Variants in ZHX2 observed in about 807,000 individuals in gnomAD.
ZHX2 encodes the protein zinc fingers and homeoboxes 2.
Under a neutral mutation model 21.9 loss-of-function variants are expected in ZHX2, and 6 were observed. The ratio of observed to expected loss-of-function variants is 0.27; its 90% CI spans 0.15 to 0.54. ZHX2 has a LOEUF of 0.54. ZHX2 is among the 20% of genes least tolerant of loss of function. ZHX2 has a pLI of 0.95. For missense variants in ZHX2, 908 were observed against 1,090.7 expected (o/e 0.83, Z 2.36); for synonymous variants, 434 against 437.1 (o/e 0.99, Z 0.09).
chr8:122,784,253 G>A (rs1306649967), intron 1 of ZHX2, among the ~76,000 whole-genome samples: 1 of 152,182 alleles, frequency 6.6e-6, no homozygotes, highest in Non-Finnish European at 1.5e-5. Context: ...TTTGATAACA[G>A]TTTCTAACAC....
At position 122,781,963 on chromosome 8, in the gene ZHX2, C is replaced by T. The variant is rs1817295834; in HGVS notation, c.-283+17C>T. On this transcript the variant is annotated intron_variant, in intron 1 of 3. Transcript: ENST00000314393. The surrounding 1 kb of genome is among the most constrained non-coding windows in gnomAD (Gnocchi z 4.6). Reference sequence around the variant, plus strand: ...CCAGCGCAGGTAAGAAACTTCGCCTCGGCGCGGAGCCCCCCAGCCGGCGCC... The same window carrying T: ...CCAGCGCAGGTAAGAAACTTCGCCTTGGCGCGGAGCCCCCCAGCCGGCGCC... 6.6e-6 allele frequency: 1 copy of T among 152,234 alleles called. No homozygotes were observed. The highest frequency in any genetic ancestry group is 2.4e-5 in the African/African-American group (1 of 41,446). 9.4% of individuals were successfully genotyped at this position (152,234 alleles called of 1,614,324 possible). A position where few individuals can be genotyped will look rare whatever the true frequency, so the allele number is the denominator to read the frequency against.
chr8:122,833,910 T>A (rs1333290743), intron 1 of ZHX2, among the ~76,000 whole-genome samples: 1 of 150,796 alleles, frequency 6.6e-6, no homozygotes, highest in Non-Finnish European at 1.5e-5. Context: ...GGCAGGAGAA[T>A]GGCGTGAACC....
rs1277932932 is a variant in ZHX2, at chr8:122,897,371, T to C, written c.-220+33832T>C. Among the ~76,000 whole-genome samples, 3 of 152,230 alleles carry C rather than the reference T, an allele frequency of 2.0e-5. 1 individual carries two copies. The highest frequency in any genetic ancestry group is 3.9e-4 in the East Asian group (2 of 5,194). The stretch of plus-strand genomic sequence containing the variant: ...CATGAGTTAGTGCTTTTGAGCACCA[T>C]AGTTTCATTCTTAAGTTTCATTCAA... On this transcript the variant is annotated intron_variant, in intron 2 of 3. Transcript: ENST00000314393.
chr8:122,902,018 C>T (rs28603296), intron 2 of ZHX2, among the ~76,000 whole-genome samples: 3,782 of 148,240 alleles, frequency 0.026, 106 homozygotes, highest in African/African-American at 0.073. Flanking sequence ...TCCTATGCTA[C>T]GTGAAAAAAA....
At chr8:122,968,956 C>G (rs1191548879) in intron 3 of ZHX2, among the ~76,000 whole-genome samples, 1 of 151,938 alleles carries the variant, frequency 6.6e-6, no homozygotes, top group Non-Finnish European at 1.5e-5. Context: ...GCCAAGAGTT[C>G]GAGACCAGCC....
intron 2 of ZHX2, among the ~76,000 whole-genome samples, chr8:122,869,583 T>C (rs956109887): frequency 3.3e-5 from 5 of 152,236 alleles, no homozygotes; most frequent in African/African-American, 1.2e-4. Context: ...CTCAGGGAGC[T>C]GTCGCCGGGA....
chr8:122,836,103 G>A (rs1818488411), intron 1 of ZHX2, among the ~76,000 whole-genome samples: 1 of 152,130 alleles, frequency 6.6e-6, no homozygotes, highest in Non-Finnish European at 1.5e-5. Flanking sequence ...ACAATAAAAG[G>A]AGCAATTGTC....
intron 2 of ZHX2, among the ~76,000 whole-genome samples, chr8:122,894,752 A>C (rs1355340564): frequency 1.3e-5 from 2 of 152,166 alleles, no homozygotes; most frequent in Non-Finnish European, 2.9e-5. Context: ...TATATGTAAC[A>C]AACCTGTACA....
In ZHX2 at chr8:122,824,969, C is replaced by T. The variant is rs138773850; in HGVS notation, c.-282-38508C>T. Among the ~76,000 whole-genome samples, 567 of 152,358 alleles carry T rather than the reference C, an allele frequency of 3.7e-3. 6 individuals carry two copies. The highest frequency in any genetic ancestry group is 0.013 in the African/African-American group (539 of 41,582). ...GGTCAGTTGAGTCTTTCTCCAGCCGCATCATTCCAACATTGACTCTCCTGC... is the reference window on the plus strand; with the variant it reads ...GGTCAGTTGAGTCTTTCTCCAGCCGTATCATTCCAACATTGACTCTCCTGC... On this transcript the variant is annotated intron_variant, in intron 1 of 3. Transcript: ENST00000314393.
chr8:122,836,716 C>A (rs1380109157), intron 1 of ZHX2, among the ~76,000 whole-genome samples: 2 of 152,218 alleles, frequency 1.3e-5, no homozygotes, highest in South Asian at 2.1e-4. Context: ...TGTCTTCCAG[C>A]CAGGGTAGGT....
intron 1 of ZHX2, among the ~76,000 whole-genome samples, chr8:122,846,437 G>A (rs1283246715): frequency 6.6e-6 from 1 of 152,076 alleles, no homozygotes; most frequent in Non-Finnish European, 1.5e-5. Context: ...TATTCCTTCT[G>A]CCACCAGGGA....
intron 2 of ZHX2, among the ~76,000 whole-genome samples, chr8:122,893,499 AT>A (rs1820028656): frequency 6.6e-6 from 1 of 151,844 alleles, no homozygotes. Flanking sequence ...GGCTTTTTTC[AT>A]ACTTTTTTTA....
chr8:122,936,805 G>A (rs924807538), intron 2 of ZHX2, among the ~76,000 whole-genome samples: 1 of 152,190 alleles, frequency 6.6e-6, no homozygotes, highest in African/African-American at 2.4e-5. Flanking sequence ...GATAGCCACT[G>A]GTGCCTCTTG....
chr8:122,835,557 T>A (rs1818475495), intron 1 of ZHX2, among the ~76,000 whole-genome samples: 1 of 152,184 alleles, frequency 6.6e-6, no homozygotes, highest in African/African-American at 2.4e-5. Flanking sequence ...ACTGGGAAGA[T>A]GGCAGCTGAG....
intron 2 of ZHX2, among the ~76,000 whole-genome samples, chr8:122,923,686 G>A (rs1820788582): frequency 6.6e-6 from 1 of 152,208 alleles, no homozygotes; most frequent in African/African-American, 2.4e-5. Context: ...GAAGCCGATG[G>A]TGGAGACTGA....
intron 2 of ZHX2, among the ~76,000 whole-genome samples, chr8:122,896,671 C>A (rs1467101998): frequency 1.3e-5 from 2 of 152,180 alleles, no homozygotes; most frequent in East Asian, 3.8e-4. Context: ...GACTAGGATA[C>A]CAGGGTTCAG....
intron 1 of ZHX2, among the ~76,000 whole-genome samples, chr8:122,788,782 G>A (rs1261236936): frequency 6.6e-6 from 1 of 152,150 alleles, no homozygotes; most frequent in African/African-American, 2.4e-5. Context: ...TCGTGCTTTG[G>A]GATAGTCTGA....
intron 1 of ZHX2, among the ~76,000 whole-genome samples, chr8:122,855,642 C>A (rs535830789): frequency 2.0e-5 from 3 of 152,056 alleles, no homozygotes; most frequent in Non-Finnish European, 4.4e-5. Context: ...TATGCGCTCA[C>A]ACACACATTT....
At chr8:122,930,932 A>G (rs1820974776) in intron 2 of ZHX2, among the ~76,000 whole-genome samples, 1 of 149,006 alleles carries the variant, frequency 6.7e-6, no homozygotes, top group Non-Finnish European at 1.5e-5. Flanking sequence ...GTCAACCAGA[A>G]CCATCCCTTT....
Sources: allele counts gnomAD v4.1 joint callset (sites outside exome capture counted in the v4.1 genomes callset), GRCh38; gene constraint gnomAD v4.1.1; non-coding constraint Gnocchi (gnomAD v3.1); transcripts MANE v1.5; gene names NCBI Gene and HGNC (gene_info 2026-07-23, HGNC 2026-07-21).